Variants in PHLDB2 observed in about 807,000 individuals in gnomAD.
PHLDB2 encodes the protein pleckstrin homology-like domain family B member 2.
Under a neutral mutation model 123.6 loss-of-function variants are expected in PHLDB2, and 71 were observed. The ratio of observed to expected loss-of-function variants is 0.57; its 90% CI spans 0.47 to 0.70. PHLDB2 has a LOEUF of 0.70. Among genes scored for constraint, PHLDB2 ranks in the 30% least tolerant of loss-of-function variants. The pLI is 0.00. For missense variants in PHLDB2, 1,446 were observed against 1,519.5 expected (o/e 0.95, Z 0.80); for synonymous variants, 547 against 541.6 (o/e 1.01, Z -0.14).
chr3:111,760,147 A>C (rs975304212), intron 1 of PHLDB2, among the ~76,000 whole-genome samples: 1 of 152,248 alleles, frequency 6.6e-6, no homozygotes, highest in African/African-American at 2.4e-5. Context: ...TTGCTAACCC[A>C]TATTCCTGAC....
intron 1 of PHLDB2, among the ~76,000 whole-genome samples, chr3:111,774,798 T>C (rs1261414779): frequency 1.3e-5 from 2 of 152,180 alleles, no homozygotes; most frequent in African/African-American, 4.8e-5. Context: ...AATATTTTCA[T>C]GATCCAGCTC....
At chr3:111,760,434 AT>A (rs1475169264) in intron 1 of PHLDB2, among the ~76,000 whole-genome samples, 2 of 152,166 alleles carry the variant, frequency 1.3e-5, no homozygotes, top group African/African-American at 4.8e-5. Context: ...CATAGCTTCC[AT>A]TTTCTGTCAA....
chr3:111,759,862 G>C (rs900793221), intron 1 of PHLDB2, among the ~76,000 whole-genome samples: 3 of 152,138 alleles, frequency 2.0e-5, no homozygotes, highest in African/African-American at 4.8e-5. Context: ...GCTATAATTG[G>C]GTGACAATCA....
intron 1 of PHLDB2, among the ~76,000 whole-genome samples, chr3:111,792,818 C>T (rs762900190): frequency 6.6e-6 from 1 of 152,182 alleles, no homozygotes; most frequent in African/African-American, 2.4e-5. Context: ...CAAACAAATG[C>T]ATGCCATGGG....
At chr3:111,860,716 C>G (rs183076465) in intron 1 of PHLDB2, among the ~76,000 whole-genome samples, 2 of 152,296 alleles carry the variant, frequency 1.3e-5, no homozygotes, top group African/African-American at 4.8e-5. Flanking sequence ...GTAAACTACC[C>G]GTGGCTGGAA....
intron 12 of PHLDB2, among the ~76,000 whole-genome samples, chr3:111,954,351 G>A (rs181746267): frequency 6.4e-4 from 97 of 152,222 alleles, no homozygotes; most frequent in Middle Eastern, 3.4e-3. Flanking sequence ...GATTACCAGG[G>A]CACTTAACCA....
At chr3:111,764,983 T>C (rs1346070541) in intron 1 of PHLDB2, among the ~76,000 whole-genome samples, 1 of 151,896 alleles carries the variant, frequency 6.6e-6, no homozygotes, top group Non-Finnish European at 1.5e-5. Flanking sequence ...GATCTGAGAG[T>C]TGAAAGACCA....
chr3:111,890,540 T>C (rs1342585180), intron 2 of PHLDB2, among the ~76,000 whole-genome samples: 3 of 152,230 alleles, frequency 2.0e-5, no homozygotes, highest in African/African-American at 7.2e-5. Context: ...GAAGAATGAA[T>C]AGATGCCAAA....
chr3:111,905,941 A>G lies in PHLDB2; in HGVS notation c.1336-7378A>G, dbSNP rs143611282. Among the ~76,000 whole-genome samples the G allele has an allele frequency of 4.6e-3, 696 of 152,316 alleles. 12 individuals are homozygous for G. The highest frequency in any genetic ancestry group is 0.016 in the African/African-American group (646 of 41,562). Reference sequence around the variant, plus strand: ...GTATATGTAGCACCTTGTTGACTGGAATGTCGTTATGTGTGCAGATATTTT... The same window carrying G: ...GTATATGTAGCACCTTGTTGACTGGGATGTCGTTATGTGTGCAGATATTTT... On this transcript the variant is annotated intron_variant, in intron 2 of 17. Transcript: ENST00000431670.
chr3:111,948,701 T>C (rs1216863522), intron 9 of PHLDB2, among the ~76,000 whole-genome samples: 1 of 152,218 alleles, frequency 6.6e-6, no homozygotes, highest in African/African-American at 2.4e-5. Flanking sequence ...ACTACAGTTA[T>C]CTTGATTTCA....
rs1403059246 is a variant in PHLDB2 at position 111,877,285 on chromosome 3, CATT to C, written c.-14-6778_-14-6776del. The stretch of plus-strand genomic sequence containing the variant: ...TTCTAACTGGTGTGAGATGGTTTCT[CATT>C]GTTGTTTTGATTTGCATTTCTCTAA... On this transcript the variant is annotated intron_variant, in intron 1 of 17. Transcript: ENST00000431670. Among the ~76,000 whole-genome samples, 23 of 152,366 alleles carry C rather than the reference CATT, an allele frequency of 1.5e-4. No homozygotes were observed. The East Asian group carries it at 4.2e-3, about 28-fold the overall frequency.
intron 1 of PHLDB2, among the ~76,000 whole-genome samples, chr3:111,835,798 C>T (rs1176884529): frequency 6.6e-6 from 1 of 152,138 alleles, no homozygotes; most frequent in Non-Finnish European, 1.5e-5. Flanking sequence ...ACATAGTGAC[C>T]CCATGTAGTC....
At chr3:111,824,742 G>A (rs1218982041) in intron 1 of PHLDB2, among the ~76,000 whole-genome samples, 1 of 152,180 alleles carries the variant, frequency 6.6e-6, no homozygotes, top group Non-Finnish European at 1.5e-5. Flanking sequence ...TACACGAGTC[G>A]ATGGTTTTCA....
chr3:111,790,510 G>T (rs1003753205), intron 1 of PHLDB2, among the ~76,000 whole-genome samples: 1 of 152,190 alleles, frequency 6.6e-6, no homozygotes, highest in African/African-American at 2.4e-5. Context: ...TGCTCAGTAG[G>T]TTGCTGAATT....
At position 111,735,234 on chromosome 3, in the gene PHLDB2, G is replaced by A. The variant is rs892973995; in HGVS notation, c.-49+2531G>A. 3.2e-4 allele frequency among the ~76,000 whole-genome samples: 48 copies of A among 152,276 alleles called. 1 individual carries two copies. Among genetic ancestry groups the A allele is most frequent in the Middle Eastern group, 3.4e-3 (1 of 294 alleles). On this transcript the variant is annotated intron_variant, in intron 1 of 17. Coordinates refer to the PHLDB2 transcript ENST00000393923. ...TTGGGCACAGAGAGGCTTAAAGCCC[G>A]AGAAACCATCAACAGTCCCTCCTGT...
chr3:111,739,960 T>A (rs577547776), intron 1 of PHLDB2, among the ~76,000 whole-genome samples: 11 of 151,904 alleles, frequency 7.2e-5, no homozygotes, highest in African/African-American at 1.7e-4. Context: ...ATTTTTAAAA[T>A]TTTTTTTTAC....
At chr3:111,921,604 C>CTCT in intron 5 of PHLDB2, among the ~76,000 whole-genome samples, 1 of 132,246 alleles carries the variant, frequency 7.6e-6, no homozygotes, top group Non-Finnish European at 1.6e-5. Context: ...TGCCCCCAGA[C>CTCT]TTTTTTTTTT....
In PHLDB2 at chr3:111,814,628, T is replaced by TA. The variant is rs35877984; in HGVS notation, c.-48-31178dup. 3.8e-3 allele frequency among the ~76,000 whole-genome samples: 542 copies of TA among 142,126 alleles called. 4 individuals are homozygous for TA. Among genetic ancestry groups the TA allele is most frequent in the East Asian group, 0.019 (93 of 4,868 alleles). The allele number at this position is 142,126 out of a possible 152,430, so 93.2% of individuals were successfully genotyped here. A position where few individuals can be genotyped will look rare whatever the true frequency, so the allele number is the denominator to read the frequency against. On this transcript the variant is annotated intron_variant, in intron 1 of 17. Coordinates refer to the PHLDB2 transcript ENST00000393923. ...GAATACCTGAAATGAAGTATTTATTTAAAAAAAAAAAAAAAGCAGAGAGGT... is the reference window on the plus strand; with the variant it reads ...GAATACCTGAAATGAAGTATTTATTTAAAAAAAAAAAAAAAAGCAGAGAGGT...
intron 1 of PHLDB2, among the ~76,000 whole-genome samples, chr3:111,823,842 T>G (rs1559850322): frequency 6.6e-6 from 1 of 152,174 alleles, no homozygotes; most frequent in Non-Finnish European, 1.5e-5. Flanking sequence ...CCAGCCCCCT[T>G]GCCTGCATAG....
Sources: allele counts gnomAD v4.1 joint callset (sites outside exome capture counted in the v4.1 genomes callset), GRCh38; gene constraint gnomAD v4.1.1; transcripts MANE v1.5; gene names NCBI Gene and HGNC (gene_info 2026-07-23, HGNC 2026-07-21).